Variants in PSTPIP1 observed in about 807,000 individuals in gnomAD.
PSTPIP1 encodes the protein proline-serine-threonine phosphatase-interacting protein 1.
In PSTPIP1, 66 loss-of-function variants were observed where a neutral mutation model predicts 69.6. That is an observed-to-expected ratio of 0.95 (90% CI 0.78 to 1.16). The LOEUF (loss-of-function observed/expected upper bound fraction) is 1.16. PSTPIP1 is among the 50% of genes most tolerant of loss of function. PSTPIP1 has a pLI of 0.00. For synonymous variants in PSTPIP1, 266 were observed against 222.7 expected, an observed-to-expected ratio of 1.19 and a Z score of -1.73; for missense variants, 603 against 557.4, an observed-to-expected ratio of 1.08 and a Z score of -0.82.
rs1041435543 is a variant in PSTPIP1, at chr15:77,011,325, G to T, written c.37-6823G>T. Reference sequence around the variant, plus strand: ...CCTGGGAGTCCCTGGAAGCTCACAGGGCTCTGATGGGGTCCCTGTCAGCCA... The same window carrying T: ...CCTGGGAGTCCCTGGAAGCTCACAGTGCTCTGATGGGGTCCCTGTCAGCCA... On this transcript the variant is annotated intron_variant, in intron 1 of 14. Coordinates refer to ENST00000558012, the MANE Select transcript of PSTPIP1 (RefSeq NM_003978.5). Among the ~76,000 whole-genome samples, 13 of 152,310 alleles carry T rather than the reference G, an allele frequency of 8.5e-5. 2 individuals are homozygous for T. In the South Asian group the frequency reaches 1.2e-3, roughly 15 times the overall value.
At chr15:77,014,488 G>T (rs2076010202) in intron 1 of PSTPIP1, among the ~76,000 whole-genome samples, 1 of 152,212 alleles carries the variant, frequency 6.6e-6, no homozygotes, top group Non-Finnish European at 1.5e-5. Flanking sequence ...ACACTAACAG[G>T]ACTGTGCCCT....
In PSTPIP1 at chr15:76,995,191, C is replaced by T. The variant is rs898707479; in HGVS notation, c.-383C>T. Reference sequence around the variant, plus strand: ...CTGCCTGGCCCGGCCCGAGCTCCAGCCTGCCTCTTCCACTGGCCACTGCCT... The same window carrying T: ...CTGCCTGGCCCGGCCCGAGCTCCAGTCTGCCTCTTCCACTGGCCACTGCCT... On this transcript the variant is annotated 5_prime_UTR_variant, in exon 1 of 15. Transcript: ENST00000558012. 14 of 1,204,412 alleles carry T rather than the reference C, an allele frequency of 1.2e-5. No homozygotes were observed. Among genetic ancestry groups the T allele is most frequent in the Non-Finnish European group, 1.5e-5 (14 of 955,504 alleles). The allele number at this position is 1,204,412 out of a possible 1,614,324, so 74.6% of individuals were successfully genotyped here. A position where few individuals can be genotyped will look rare whatever the true frequency, so the allele number is the denominator to read the frequency against.
Position 77,035,511 on chromosome 15 carries a change from C to A in PSTPIP1, c.933C>A (p.Phe311Leu). The change falls in exon 13 of 15, where the codon TTC becomes TTA. Residue 311 changes from phenylalanine (F) to leucine (L), a missense_variant. Physicochemically the swap from Phe to Leu is conservative, Grantham distance 22. Transcript: ENST00000558012. ...IQPSCGMIKR[F>L]SGLLHGSPKT... is the part of the protein sequence containing the mutation. ...CCTCTTTCCTCCCTGTTCCCAGGTT[C>A]TCTGGACTGCTGCACGGAAGTCCCA... 6.3e-7 allele frequency: 1 copy of A among 1,590,596 alleles called. No homozygotes were observed.
At chr15:76,998,982 C>T (rs2152662244) in intron 1 of PSTPIP1, among the ~76,000 whole-genome samples, 1 of 152,294 alleles carries the variant, frequency 6.6e-6, no homozygotes, top group South Asian at 2.1e-4. Flanking sequence ...TGGGACCTGT[C>T]AGTGAGACAA....
At chr15:77,030,096 G>C (rs555175503) in intron 8 of PSTPIP1, among the ~76,000 whole-genome samples, 1 of 152,072 alleles carries the variant, frequency 6.6e-6, no homozygotes, top group Admixed American at 6.6e-5. Context: ...CCCTCGGCTG[G>C]GGGACAGGTG....
At chr15:77,002,949 G>A (rs191094301) in intron 1 of PSTPIP1, among the ~76,000 whole-genome samples, 1 of 152,262 alleles carries the variant, frequency 6.6e-6, no homozygotes, top group Non-Finnish European at 1.5e-5. Flanking sequence ...GAGGACAAAC[G>A]GCACTCAAGG....
In PSTPIP1 at chr15:77,037,135, C is replaced by A; in HGVS notation, c.1210C>A (p.Gln404Lys). 4 of 1,612,042 alleles carry A rather than the reference C, an allele frequency of 2.5e-6. No homozygotes were observed. Among genetic ancestry groups the A allele is most frequent in the Non-Finnish European group, 3.4e-6 (4 of 1,179,614 alleles). The change falls in exon 15 of 15, where the codon CAG becomes AAG. Residue 404 changes from glutamine to lysine, a missense_variant. Gln to Lys is a moderately conservative substitution (Grantham distance 53). Transcript: ENST00000558012. ...DGWWTVERNG[Q>K]RGFVPGSYLE... ...CTGGTGGACTGTGGAGAGGAACGGG[C>A]AGCGTGGCTTCGTCCCTGGTTCCTA...
chr15:77,018,865 C>T (rs1444914041), intron 3 of PSTPIP1, among the ~76,000 whole-genome samples: 1 of 152,172 alleles, frequency 6.6e-6, no homozygotes, highest in Non-Finnish European at 1.5e-5. Context: ...TGGCTCAAGT[C>T]CCCTGCAGCA....
chr15:77,021,401 C>T (rs1481937392), intron 3 of PSTPIP1, among the ~76,000 whole-genome samples: 1 of 152,220 alleles, frequency 6.6e-6, no homozygotes, highest in African/African-American at 2.4e-5. Context: ...ATTTTAAAGA[C>T]AGCATTAGGG....
intron 1 of PSTPIP1, among the ~76,000 whole-genome samples, chr15:77,002,228 G>T (rs1163539688): frequency 2.0e-5 from 3 of 152,176 alleles, no homozygotes; most frequent in African/African-American, 7.2e-5. Context: ...ACCTGTGCAG[G>T]GTAGAGCAGG....
chr15:77,035,657 A>G, intron 13 of PSTPIP1, 94 bp downstream of exon 13: 1 of 1,484,572 alleles, frequency 6.7e-7, no homozygotes, highest in South Asian at 1.2e-5. Flanking sequence ...TGAGGCCCTC[A>G]AGAGGAAGTG....
chr15:77,012,789 C>G (rs2075972541), intron 1 of PSTPIP1, among the ~76,000 whole-genome samples: 1 of 152,200 alleles, frequency 6.6e-6, no homozygotes, highest in Admixed American at 6.5e-5. Flanking sequence ...TTTAAAGGTG[C>G]TGGGTAATGG....
chr15:77,024,885 A>G (rs1326189954), intron 3 of PSTPIP1, among the ~76,000 whole-genome samples: 1 of 151,984 alleles, frequency 6.6e-6, no homozygotes, highest in African/African-American at 2.4e-5. Context: ...CCTCCCCTGT[A>G]GCCTCACCCT....
At chr15:77,000,335 G>C (rs1407641298) in intron 1 of PSTPIP1, among the ~76,000 whole-genome samples, 1 of 151,990 alleles carries the variant, frequency 6.6e-6, no homozygotes, top group African/African-American at 2.4e-5. Flanking sequence ...GGGACTGAGG[G>C]GCCCTACTCT....
chr15:77,003,727 G>C (rs1300513006), intron 1 of PSTPIP1, among the ~76,000 whole-genome samples: 1 of 151,928 alleles, frequency 6.6e-6, no homozygotes, highest in Non-Finnish European at 1.5e-5. Context: ...ACACTTGCTA[G>C]GTGGCCTTGG....
intron 9 of PSTPIP1, among the ~76,000 whole-genome samples, chr15:77,030,868 C>T (rs1383893275): frequency 2.0e-5 from 3 of 152,196 alleles, no homozygotes; most frequent in Non-Finnish European, 4.4e-5. Flanking sequence ...TGGGTGCTGC[C>T]GATGGACAGG....
intron 1 of PSTPIP1, among the ~76,000 whole-genome samples, chr15:77,010,998 G>A (rs1169768479): frequency 6.6e-6 from 1 of 152,158 alleles, no homozygotes; most frequent in African/African-American, 2.4e-5. Flanking sequence ...AAAGAAGTGG[G>A]GATTGGGCTG....
intron 13 of PSTPIP1, 50 bp downstream of exon 13, chr15:77,035,613 G>A (rs1238103476): frequency 5.9e-6 from 9 of 1,536,760 alleles, no homozygotes; most frequent in South Asian, 4.8e-5. Flanking sequence ...CTGGGGGGGA[G>A]GAGAGGTCTC....
At chr15:77,031,500 CTG>C (rs2076416190) in intron 10 of PSTPIP1, 2 of 455,334 alleles carry the variant, frequency 4.4e-6, no homozygotes, top group South Asian at 2.4e-5. Context: ...GATGATGACT[CTG>C]TGGTTCCCCT....
Sources: allele counts gnomAD v4.1 joint callset (sites outside exome capture counted in the v4.1 genomes callset), GRCh38; gene constraint gnomAD v4.1.1; transcripts MANE v1.5; gene names NCBI Gene and HGNC (gene_info 2026-07-23, HGNC 2026-07-21).